Variants in THBS2 observed in about 807,000 individuals in gnomAD.
THBS2 encodes the protein thrombospondin-2.
A neutral mutation model predicts 135.2 loss-of-function variants in THBS2; 47 were observed. The observed-to-expected ratio is 0.35, with a 90% CI of 0.28 to 0.44. The LOEUF (loss-of-function observed/expected upper bound fraction) is 0.44. Among genes scored for constraint, THBS2 ranks in the 20% least tolerant of loss-of-function variants. THBS2 has a pLI of 1.00. For synonymous variants in THBS2, 639 were observed against 633.8 expected, an observed-to-expected ratio of 1.01 and a Z score of -0.12; for missense variants, 1,288 against 1,603.1, an observed-to-expected ratio of 0.80 and a Z score of 3.36.
chr6:169,226,501 CA>C (rs1432461713), intron 15 of THBS2, among the ~76,000 whole-genome samples: 1 of 152,166 alleles, frequency 6.6e-6, no homozygotes, highest in Non-Finnish European at 1.5e-5. Flanking sequence ...CATTACAGTT[CA>C]AATACCTTTC....
Position 169,240,517 on chromosome 6 carries a change from C to G in THBS2, c.967G>C (p.Asp323His), listed in dbSNP as rs764690862. Reference protein sequence around the residue: ...KTRNMSACWQDGRFFAENETW... With the variant: ...KTRNMSACWQHGRFFAENETW... ...TCATTTTCCGCAAAGAACCGGCCATCCTGCCAGCAAGCTGACATGTTCCTT... is the reference window on the plus strand; with the variant it reads ...TCATTTTCCGCAAAGAACCGGCCATGCTGCCAGCAAGCTGACATGTTCCTT... The change falls in exon 6 of 22, where the codon GAT (aspartate) becomes CAT (histidine). Residue 323 changes from aspartate to histidine, a missense_variant. Physicochemically the swap from Asp to His is moderately conservative, Grantham distance 81 (BLOSUM62 -1). Around this residue, in one of 2 missense-constraint regions of THBS2, gnomAD observed 414 missense variants for 447.0 expected, o/e 0.93. Coordinates refer to ENST00000617924, the MANE Select transcript of THBS2 (RefSeq NM_003247.5). The G allele has an allele frequency of 2.1e-5, 34 of 1,613,882 alleles. No homozygotes were observed. The South Asian group carries it at 3.4e-4, about 16-fold the overall frequency.
chr6:169,235,675 C>T (rs539549730), intron 9 of THBS2, among the ~76,000 whole-genome samples: 11 of 151,786 alleles, frequency 7.2e-5, no homozygotes, highest in South Asian at 4.2e-4. Flanking sequence ...ACTCACTCCC[C>T]GTCCACACTC....
chr6:169,220,799 A>C (rs1779398213), intron 20 of THBS2, among the ~76,000 whole-genome samples: 1 of 152,146 alleles, frequency 6.6e-6, no homozygotes, highest in Admixed American at 6.5e-5. Flanking sequence ...ATGAATAAAC[A>C]GGAGGCCCCC....
intron 4 of THBS2, among the ~76,000 whole-genome samples, 165 bp from the exon 5 acceptor site, chr6:169,242,123 G>A (rs1374569972): frequency 1.3e-5 from 2 of 152,146 alleles, no homozygotes; most frequent in East Asian, 3.9e-4. Flanking sequence ...CCACAGGGAG[G>A]ACCATCTGCC....
rs758674663 is a variant in THBS2 at position 169,225,274 on chromosome 6, C to T, written c.2644G>A (p.Ala882Thr). ...TCTCTGTCATGGTCAGCCTGGTTGG[C>T]GTTGGAGATGTAGGGGCAGTTGTCC... is the stretch of plus-strand genomic sequence containing the variant. ...NQDNCPYISN[A>T]NQADHDRDGQ... The change falls in exon 17 of 22, where the codon GCC becomes ACC. Residue 882 changes from alanine to threonine, a missense_variant. Transcript: ENST00000617924. The T allele has an allele frequency of 6.8e-5, 109 of 1,608,454 alleles. 1 individual carries two copies. The highest frequency in any genetic ancestry group is 2.7e-4 in the Admixed American group (16 of 58,722).
intron 15 of THBS2, among the ~76,000 whole-genome samples, chr6:169,226,648 G>C (rs1452890140): frequency 2.0e-5 from 3 of 152,172 alleles, no homozygotes; most frequent in African/African-American, 7.2e-5. Flanking sequence ...AGTATGTGTT[G>C]AGTTCCCAGG....
intron 3 of THBS2, among the ~76,000 whole-genome samples, chr6:169,246,576 T>C (rs1004205731): frequency 6.6e-6 from 1 of 152,236 alleles, no homozygotes; most frequent in African/African-American, 2.4e-5. Context: ...TGGCCTGCTG[T>C]GTGTTCTGGG....
chr6:169,221,515 A>C lies in THBS2; in HGVS notation c.3286T>G (p.Trp1096Gly). The change falls in exon 20 of 22, where the codon TGG becomes GGG. Residue 1096 changes from tryptophan to glycine, a missense_variant. By Grantham distance (184) the Trp-to-Gly change is radical. Transcript: ENST00000617924. Reference protein sequence around the residue: ...GNTPGQVRTLWHDPRNIGWKD... With the variant: ...GNTPGQVRTLGHDPRNIGWKD... ...CAGCCAATGTTCCTGGGGTCGTGCC[A>C]TAAGGTTCGCACCTGAGAGAGAACA... is the stretch of plus-strand genomic sequence containing the variant. 1 of 1,613,996 alleles carries C rather than the reference A, an allele frequency of 6.2e-7. No homozygotes were observed. Among genetic ancestry groups the C allele is most frequent in the Non-Finnish European group, 8.5e-7 (1 of 1,180,026 alleles).
At position 169,237,802 on chromosome 6, in the gene THBS2, G is replaced by A; in HGVS notation, c.1130-7C>T. Reference sequence around the variant, plus strand: ...CCCTCCTCACCGTCCACCGCTGCCAGAGGAAGCAAACACGGTGGCATCAGG... The same window carrying A: ...CCCTCCTCACCGTCCACCGCTGCCAAAGGAAGCAAACACGGTGGCATCAGG... On this transcript the variant is annotated splice_polypyrimidine_tract_variant and splice_region_variant and intron_variant, in intron 7 of 21. Transcript: ENST00000617924. The A allele has an allele frequency of 6.2e-7, 1 of 1,607,178 alleles. No individual in the cohort carries two copies. The highest frequency in any genetic ancestry group is 1.1e-5 in the South Asian group (1 of 90,988).
At chr6:169,227,954 A>G (rs905406462) in intron 15 of THBS2, among the ~76,000 whole-genome samples, 168 bp downstream of exon 15, 16 of 151,994 alleles carry the variant, frequency 1.1e-4, no homozygotes, top group Non-Finnish European at 1.8e-4. Flanking sequence ...GGTGGTGTGC[A>G]CCTGTGATCC....
At position 169,222,382 on chromosome 6, in the gene THBS2, C is replaced by T. The variant is rs745728631; in HGVS notation, c.3088G>A (p.Gly1030Ser). The change falls in exon 19 of 22, where the codon GGT becomes AGT. Residue 1030 changes from glycine to serine, a missense_variant. Around this residue, in one of 2 missense-constraint regions of THBS2, gnomAD observed 874 missense variants for 1,156.1 expected, o/e 0.76. Coordinates refer to ENST00000617924, the MANE Select transcript of THBS2 (RefSeq NM_003247.5). Reference protein sequence around the residue: ...RDDDYAGFVFGYQSSSRFYVV... With the variant: ...RDDDYAGFVFSYQSSSRFYVV... ...TAGAAGCGGCTGCTTGACTGGTAAC[C>T]AAAGACGAAGCCGGCATAGTCGTCG... 3 of 1,613,700 alleles carry T rather than the reference C, an allele frequency of 1.9e-6. No individual in the cohort carries two copies. The East Asian group carries it at 6.7e-5, about 36-fold the overall frequency.
chr6:169,238,733 G>A (rs937513302), intron 7 of THBS2, among the ~76,000 whole-genome samples: 1 of 152,258 alleles, frequency 6.6e-6, no homozygotes, highest in African/African-American at 2.4e-5. Flanking sequence ...GGCAGAGCGT[G>A]AGCTCTGAGT....
Position 169,252,404 on chromosome 6 carries a change from G to A in THBS2, c.-23+1320C>T, listed in dbSNP as rs1005131999. On this transcript the variant is annotated intron_variant, in intron 1 of 21. Coordinates refer to ENST00000617924, the MANE Select transcript of THBS2 (RefSeq NM_003247.5). The surrounding 1 kb of genome is among the most constrained non-coding windows in gnomAD (Gnocchi z 4.3). ...ATCAGCCCACACTGCCGGGTACGTC[G>A]CAGTCCCCTAAGGACAGCTGTGTGG... is the stretch of plus-strand genomic sequence containing the variant. Among the ~76,000 whole-genome samples the A allele has an allele frequency of 4.6e-5, 7 of 152,150 alleles. No individual in the cohort carries two copies. The highest frequency in any genetic ancestry group is 9.7e-5 in the African/African-American group (4 of 41,430).
intron 10 of THBS2, among the ~76,000 whole-genome samples, chr6:169,233,405 C>T (rs1208916612): frequency 6.6e-6 from 1 of 151,752 alleles, no homozygotes; most frequent in Non-Finnish European, 1.5e-5. Flanking sequence ...CACGTGCCAC[C>T]TTCCACACTA....
chr6:169,237,111 G>T, intron 9 of THBS2, 59 bp downstream of exon 9: 1 of 1,540,868 alleles, frequency 6.5e-7, no homozygotes. Context: ...AGCTGTGGCT[G>T]CTCACTGTGA....
chr6:169,237,559 C>G, intron 8 of THBS2, 66 bp downstream of exon 8: 2 of 1,601,138 alleles, frequency 1.2e-6, no homozygotes, highest in South Asian at 1.1e-5. Context: ...TGCAAAGGTC[C>G]CGATGACTGA....
Position 169,252,139 on chromosome 6 carries a change from C to G in THBS2, c.-22-1333G>C, listed in dbSNP as rs996657646. 3.9e-5 allele frequency: 6 copies of G among 152,160 alleles called. No homozygotes were observed. Among genetic ancestry groups the G allele is most frequent in the African/African-American group, 9.7e-5 (4 of 41,432 alleles). 9.4% of individuals were successfully genotyped at this position (152,160 alleles called of 1,614,324 possible). On this transcript the variant is annotated intron_variant, in intron 1 of 21. Transcript: ENST00000617924. The surrounding 1 kb of genome is among the most constrained non-coding windows in gnomAD (Gnocchi z 4.3). ...CCAGCGAGCCACAGGCATGGGTTAC[C>G]GGAGCAGAATGTGCCTCTGGGTCTG...
Position 169,246,222 on chromosome 6 carries a change from C to G in THBS2, c.669G>C (p.Lys223Asn). The change falls in exon 4 of 22, where the codon AAG (lysine) becomes AAC (asparagine). Residue 223 changes from lysine (K) to asparagine (N), a missense_variant. Lys to Asn is a moderately conservative substitution (Grantham distance 94). Transcript: ENST00000617924. ...FENSVEDILS[K>N]KGCQQGQGAE... ...CTCCCTGGCCTTGCTGGCAACCCTT[C>G]TTGCTTAGAATATCTTCCACAGAGT... The G allele has an allele frequency of 6.2e-7, 1 of 1,613,992 alleles. No homozygotes were observed. Among genetic ancestry groups the G allele is most frequent in the Non-Finnish European group, 8.5e-7 (1 of 1,179,998 alleles).
chr6:169,246,681 C>T (rs1459869488), intron 3 of THBS2, among the ~76,000 whole-genome samples: 1 of 152,212 alleles, frequency 6.6e-6, no homozygotes, highest in African/African-American at 2.4e-5. Context: ...CAGAGTCCCA[C>T]TGGTCCTCTC....
Sources: allele counts gnomAD v4.1 joint callset (sites outside exome capture counted in the v4.1 genomes callset), GRCh38; gene constraint gnomAD v4.1.1; regional missense constraint gnomAD v4.1.1; non-coding constraint Gnocchi (gnomAD v3.1); transcripts MANE v1.5; gene names NCBI Gene and HGNC (gene_info 2026-07-23, HGNC 2026-07-21).